The following NDRG2 variants were observed in gnomAD, a reference collection of about 807,000 sequenced individuals.
NDRG2 encodes protein NDRG2.
NDRG2 carries 34 observed loss-of-function variants against 58.2 expected under a neutral mutation model. The ratio of observed to expected loss-of-function variants is 0.58; its 90% confidence interval spans 0.44 to 0.78. NDRG2 has a LOEUF of 0.78. Ranked by LOEUF, NDRG2 falls within the 30% of genes least tolerant of loss-of-function variation. The pLI is 0.00. For synonymous variants in NDRG2, 187 were observed against 175.9 expected, an observed-to-expected ratio of 1.06 and a Z score of -0.50; for missense variants, 434 against 471.2, an observed-to-expected ratio of 0.92 and a Z score of 0.73.
In NDRG2 at chr14:21,020,449, C is replaced by T. The variant is rs370351476; in HGVS notation, c.555+47G>A. 1,267 of 1,493,244 alleles carry T rather than the reference C, an allele frequency of 8.5e-4. 5 individuals are homozygous for T. The highest frequency in any genetic ancestry group is 9.7e-4 in the South Asian group (84 of 86,728). The allele number at this position is 1,493,244 out of a possible 1,614,324, so 92.5% of individuals were successfully genotyped here. A position where few individuals can be genotyped will look rare whatever the true frequency, so the allele number is the denominator to read the frequency against. On this transcript the variant is annotated intron_variant, in intron 8 of 15. Transcript: ENST00000556147. ...CTACCAGAGCCTAACTGGATCCATA[C>T]GAGGGGATCCCCAACCGTAGGTCTC...
At chr14:21,027,599 A>ATTCATT (rs1416678733), upstream of NDRG2, among the ~76,000 whole-genome samples, 2 of 152,224 alleles carry the variant, frequency 1.3e-5, no homozygotes, top group Non-Finnish European at 2.9e-5. Flanking sequence ...AATGCAAACT[A>ATTCATT]TGAATTCATC....
At chr14:21,068,704 G>A (rs534739546) in intron 1 of NDRG2, among the ~76,000 whole-genome samples, 2 of 152,202 alleles carry the variant, frequency 1.3e-5, no homozygotes, top group African/African-American at 4.8e-5. Context: ...TCCCCTAGCC[G>A]GGTGTTAGAA....
chr14:21,034,805 G>A (rs1331724805), intron 1 of NDRG2: 2 of 155,264 alleles, frequency 1.3e-5, no homozygotes, highest in Admixed American at 1.3e-4. Context: ...AGGAGGGAAT[G>A]TCCCCGAGTT....
intron 1 of NDRG2, among the ~76,000 whole-genome samples, chr14:21,039,754 T>C (rs1884806742): frequency 6.6e-6 from 1 of 152,232 alleles, no homozygotes. Flanking sequence ...ACTTAAAACC[T>C]TACTCTCTTT....
At chr14:21,025,133 G>C (rs1883220567), upstream of NDRG2, 4 of 974,532 alleles carry the variant, frequency 4.1e-6, no homozygotes, top group Non-Finnish European at 3.6e-6. The surrounding 1 kb of genome is among the most constrained non-coding windows in gnomAD (Gnocchi z 5.1). Context: ...GCCCGCCCAC[G>C]GGCGCTAGGC....
At chr14:21,058,514 G>A (rs190762596) in intron 1 of NDRG2, 183 of 615,716 alleles carry the variant, frequency 3.0e-4, no homozygotes, top group Admixed American at 6.8e-4. Context: ...GAGTTTTACA[G>A]ACGCTCCAAA....
upstream of NDRG2, chr14:21,025,319 G>A: frequency 1.0e-6 from 1 of 970,274 alleles, no homozygotes; most frequent in Non-Finnish European, 1.2e-6. This position sits in a 1 kb window ranked among gnomAD's most constrained non-coding sequence, Gnocchi z 5.1. Flanking sequence ...GCATTGGGGC[G>A]GTGTGGGGAG....
intron 1 of NDRG2, chr14:21,031,942 C>T (rs1210249935): frequency 1.2e-6 from 2 of 1,614,172 alleles, no homozygotes; most frequent in Admixed American, 1.7e-5. Flanking sequence ...CCAGCAAGTA[C>T]ACCGGCACCC....
upstream of NDRG2, among the ~76,000 whole-genome samples, chr14:21,027,329 C>T (rs1288045713): frequency 2.0e-5 from 3 of 152,186 alleles, 1 homozygote; most frequent in Admixed American, 2.0e-4. Context: ...AAGTAAGCAA[C>T]AGTTTTAAGT....
intron 2 of NDRG2, 35 bp from the exon 3 acceptor site, chr14:21,022,940 A>G: frequency 6.2e-7 from 1 of 1,613,536 alleles, no homozygotes; most frequent in Non-Finnish European, 8.5e-7. Flanking sequence ...ACAGAAACAC[A>G]TGACCATGTG....
At chr14:21,032,023 A>G (rs1190043767) in intron 1 of NDRG2, 18 of 1,614,068 alleles carry the variant, frequency 1.1e-5, no homozygotes, top group Non-Finnish European at 1.4e-5. Flanking sequence ...CTGACAACAC[A>G]GGCTATGTGA....
At chr14:21,030,744 A>T (rs1196656289), upstream of NDRG2, 1 of 1,613,996 alleles carries the variant, frequency 6.2e-7, no homozygotes, top group Non-Finnish European at 8.5e-7. Flanking sequence ...CATCGTGTTC[A>T]GCAAAGTCAA....
Position 21,017,571 on chromosome 14 carries a change from C to A in NDRG2, c.*25G>T. On this transcript the variant is annotated 3_prime_UTR_variant, in exon 16 of 16. Coordinates refer to ENST00000556147, the MANE Select transcript of NDRG2 (RefSeq NM_001320329.2). Reference sequence around the variant, plus strand: ...GCTCTGGGGGAGGTGAGGGCTGGGTCCCACTCTAGGGCAACAAGGGCCATT... The same window carrying A: ...GCTCTGGGGGAGGTGAGGGCTGGGTACCACTCTAGGGCAACAAGGGCCATT... The A allele has an allele frequency of 6.2e-7, 1 of 1,606,786 alleles. No homozygotes were observed. The highest frequency in any genetic ancestry group is 8.5e-7 in the Non-Finnish European group (1 of 1,176,446).
At position 21,024,665 on chromosome 14, in the gene NDRG2, T is replaced by TC. The variant is rs2139020000; in HGVS notation, c.-643dup. 2 of 985,200 alleles carry TC rather than the reference T, an allele frequency of 2.0e-6. No individual in the cohort carries two copies. Among genetic ancestry groups the TC allele is most frequent in the African/African-American group, 3.5e-5 (2 of 57,248 alleles). The allele number at this position is 985,200 out of a possible 1,614,324, so 61.0% of individuals were successfully genotyped here. Reference sequence around the variant, plus strand: ...GCGGTCCCACAATCTTCTCCCGTTCTCCCCCGACGGCCCGCGAAGGCAAGC... The same window carrying TC: ...GCGGTCCCACAATCTTCTCCCGTTCTCCCCCCGACGGCCCGCGAAGGCAAGC... On this transcript the variant is annotated 5_prime_UTR_variant, in exon 1 of 16. It introduces an in-frame stop codon into an upstream open reading frame of the 5' UTR. Coordinates refer to ENST00000556147, the MANE Select transcript of NDRG2 (RefSeq NM_001320329.2).
intron 8 of NDRG2, 31 bp from the exon 9 acceptor site, chr14:21,020,007 G>A (rs772336186): frequency 3.1e-6 from 5 of 1,606,230 alleles, no homozygotes; most frequent in South Asian, 1.1e-5. Flanking sequence ...AGAAAGTTCA[G>A]GGTATTGGCC....
chr14:21,049,738 T>C (rs1158731349), intron 1 of NDRG2, among the ~76,000 whole-genome samples: 6 of 151,942 alleles, frequency 3.9e-5, no homozygotes, highest in East Asian at 1.9e-4. Context: ...TGGCATTCAA[T>C]ATCAAATGGA....
At chr14:21,035,074 C>T (rs891401282) in intron 1 of NDRG2, among the ~76,000 whole-genome samples, 1 of 152,216 alleles carries the variant, frequency 6.6e-6, no homozygotes, top group South Asian at 2.1e-4. Context: ...GCATTCGCCA[C>T]TTTGTCATCC....
Position 21,019,128 on chromosome 14 carries a change from T to A in NDRG2, c.749A>T (p.Asp250Val). ...CTTAAAGTCTTACCTGAGGGTGATATCACCTCCACGCTCAAAGTTCAGGTC... is the reference window on the plus strand; with the variant it reads ...CTTAAAGTCTTACCTGAGGGTGATAACACCTCCACGCTCAAAGTTCAGGTC... ...RRDLNFERGGDITLRCPVMLV... is the reference protein window; with the variant it reads ...RRDLNFERGGVITLRCPVMLV... The change falls in exon 11 of 16, where the codon GAT becomes GTT. Residue 250 changes from aspartate (D) to valine (V), a missense_variant. Asp to Val is a radical substitution (Grantham distance 152). Transcript: ENST00000556147. 6.2e-7 allele frequency: 1 copy of A among 1,611,098 alleles called. No homozygotes were observed. Among genetic ancestry groups the A allele is most frequent in the Non-Finnish European group, 8.5e-7 (1 of 1,179,066 alleles).
chr14:21,051,389 C>T (rs979802302), intron 1 of NDRG2, among the ~76,000 whole-genome samples: 1 of 152,164 alleles, frequency 6.6e-6, no homozygotes, highest in African/African-American at 2.4e-5. Flanking sequence ...CCTATCATTC[C>T]TAGCAGGGCT....
Sources: allele counts gnomAD v4.1 joint callset (sites outside exome capture counted in the v4.1 genomes callset), GRCh38; gene constraint gnomAD v4.1.1; non-coding constraint Gnocchi (gnomAD v3.1); transcripts MANE v1.5; gene names NCBI Gene and HGNC (gene_info 2026-07-23, HGNC 2026-07-21).